Variants in RNGTT observed in about 807,000 individuals in gnomAD.
RNGTT encodes the protein RNA guanylyltransferase and 5'-phosphatase.
Under a neutral mutation model 79.3 loss-of-function variants are expected in RNGTT, and 33 were observed. That is an observed-to-expected ratio of 0.42 (90% confidence interval 0.32 to 0.56). The LOEUF (loss-of-function observed/expected upper bound fraction) is 0.56, where lower values mean the gene tolerates loss of function less well. Among genes scored for constraint, RNGTT ranks in the 20% least tolerant of loss-of-function variants. RNGTT has a pLI of 0.17. For synonymous variants in RNGTT, 222 were observed against 235.9 expected (o/e 0.94, Z 0.54); for missense variants, 497 against 739.1 (o/e 0.67, Z 3.80).
chr6:88,691,705 G>A (rs967690254), intron 13 of RNGTT, among the ~76,000 whole-genome samples: 16 of 152,042 alleles, frequency 1.1e-4, no homozygotes, highest in African/African-American at 3.6e-4. Flanking sequence ...TCATTAAGCT[G>A]TATATTTATG....
chr6:88,841,326 T>C (rs1781281572), intron 11 of RNGTT, among the ~76,000 whole-genome samples: 2 of 152,188 alleles, frequency 1.3e-5, no homozygotes, highest in East Asian at 1.9e-4. Flanking sequence ...TCTGTATTTG[T>C]TGAATGAAAA....
chr6:88,641,097 T>C (rs986930766), intron 14 of RNGTT, among the ~76,000 whole-genome samples: 1 of 152,060 alleles, frequency 6.6e-6, no homozygotes, highest in Non-Finnish European at 1.5e-5. Flanking sequence ...TCCCAGTACT[T>C]TGGGAGGCCA....
intron 14 of RNGTT, among the ~76,000 whole-genome samples, chr6:88,623,893 C>T (rs574388177): frequency 3.6e-4 from 54 of 151,920 alleles, no homozygotes; most frequent in Non-Finnish European, 7.2e-4. Flanking sequence ...TAAATACATA[C>T]ATAAACGGAT....
At chr6:88,951,073 G>A (rs976951820) in intron 1 of RNGTT, among the ~76,000 whole-genome samples, 2 of 152,008 alleles carry the variant, frequency 1.3e-5, no homozygotes, top group African/African-American at 2.4e-5. Context: ...TGGCTAGGCT[G>A]GTTTTGAACT....
Position 88,932,872 on chromosome 6 carries a change from A to C in RNGTT, c.175-3605T>G, listed in dbSNP as rs74360645. On this transcript the variant is annotated intron_variant, in intron 2 of 15. Transcript: ENST00000369485. ...TAAAAAAAAGTAATAGTAAATTCAT[A>C]CATCTTCCACCTCATTCTGAAGCAT... Among the ~76,000 whole-genome samples, 753 of 152,330 alleles carry C rather than the reference A, an allele frequency of 4.9e-3. 10 individuals are homozygous for C. Among genetic ancestry groups the C allele is most frequent in the East Asian group, 0.027 (141 of 5,188 alleles).
intron 11 of RNGTT, among the ~76,000 whole-genome samples, chr6:88,818,992 A>G (rs9342163): frequency 0.13 from 20,028 of 152,222 alleles, 1,468 homozygotes; most frequent in Middle Eastern, 0.24. Context: ...TTTCAATAAA[A>G]ATAATAATAC....
intron 1 of RNGTT, among the ~76,000 whole-genome samples, chr6:88,956,040 CAAAAAAAAAAAA>C (rs750272502): frequency 2.5e-4 from 6 of 23,662 alleles, no homozygotes; most frequent in Admixed American, 4.6e-4. Context: ...GACTCTGTCT[CAAAAAAAAAAAA>C]AAAAAAAAAA....
intron 7 of RNGTT, among the ~76,000 whole-genome samples, chr6:88,891,074 C>G (rs889159618): frequency 2.0e-5 from 3 of 152,034 alleles, no homozygotes; most frequent in African/African-American, 7.2e-5. Flanking sequence ...TAAGGCTTAA[C>G]ACAACATTAA....
At chr6:88,741,577 T>C (rs768384440) in intron 13 of RNGTT, among the ~76,000 whole-genome samples, 3 of 152,158 alleles carry the variant, frequency 2.0e-5, no homozygotes, top group Non-Finnish European at 2.9e-5. Flanking sequence ...ACCTCCTGAA[T>C]GTAAAATAAA....
At chr6:88,784,992 T>A (rs998851995) in intron 12 of RNGTT, among the ~76,000 whole-genome samples, 2 of 152,146 alleles carry the variant, frequency 1.3e-5, no homozygotes, top group Non-Finnish European at 2.9e-5. Context: ...ATGTATTTTT[T>A]AAATACATGT....
intron 14 of RNGTT, among the ~76,000 whole-genome samples, chr6:88,638,538 T>C (rs977573993): frequency 6.6e-6 from 1 of 152,156 alleles, no homozygotes; most frequent in African/African-American, 2.4e-5. Context: ...TGTGATAAGT[T>C]CAATGTTCTA....
intron 13 of RNGTT, among the ~76,000 whole-genome samples, chr6:88,713,667 T>C (rs1776396877): frequency 6.6e-6 from 1 of 152,226 alleles, no homozygotes; most frequent in Non-Finnish European, 1.5e-5. Context: ...ACATTTTTCT[T>C]TACATTGTAA....
At chr6:88,682,964 A>C (rs906134457) in intron 13 of RNGTT, among the ~76,000 whole-genome samples, 2 of 152,168 alleles carry the variant, frequency 1.3e-5, no homozygotes, top group African/African-American at 2.4e-5. Flanking sequence ...ATATATCAAA[A>C]CTTGTAGGTT....
intron 13 of RNGTT, among the ~76,000 whole-genome samples, chr6:88,689,402 T>C (rs1262425446): frequency 1.3e-5 from 2 of 152,140 alleles, no homozygotes; most frequent in African/African-American, 2.4e-5. Flanking sequence ...GAGACCAGCC[T>C]GACCGATGTG....
Position 88,622,284 on chromosome 6 carries a change from G to C in RNGTT, c.1507-7889C>G, listed in dbSNP as rs1772467144. On this transcript the variant is annotated intron_variant, in intron 14 of 15. Coordinates refer to ENST00000369485, the MANE Select transcript of RNGTT (RefSeq NM_003800.5). Reference sequence around the variant, plus strand: ...AAATGAGTGTTAGCTGATATACAGAGCTAACCCAAAAGATAGTTTTGATGG... The same window carrying C: ...AAATGAGTGTTAGCTGATATACAGACCTAACCCAAAAGATAGTTTTGATGG... 2.6e-5 allele frequency among the ~76,000 whole-genome samples: 4 copies of C among 152,222 alleles called. No individual in the cohort carries two copies. In the South Asian group the frequency reaches 8.3e-4, roughly 32 times the overall value.
chr6:88,712,083 T>C (rs1312944453), intron 13 of RNGTT, among the ~76,000 whole-genome samples: 2 of 152,110 alleles, frequency 1.3e-5, no homozygotes, highest in Non-Finnish European at 2.9e-5. Flanking sequence ...GGACCAGATA[T>C]CAGAAAGGGG....
intron 11 of RNGTT, among the ~76,000 whole-genome samples, chr6:88,812,675 G>T (rs984796058): frequency 6.6e-6 from 1 of 152,152 alleles, no homozygotes; most frequent in Non-Finnish European, 1.5e-5. Flanking sequence ...AGACGGACGC[G>T]TGAGACCAAC....
chr6:88,814,544 A>C (rs1780254055), intron 11 of RNGTT, among the ~76,000 whole-genome samples: 1 of 152,206 alleles, frequency 6.6e-6, no homozygotes, highest in Non-Finnish European at 1.5e-5. Context: ...ATATACTTTG[A>C]TATCATTAAA....
At chr6:88,770,537 C>T (rs1451210730) in intron 12 of RNGTT, among the ~76,000 whole-genome samples, 1 of 152,148 alleles carries the variant, frequency 6.6e-6, no homozygotes, top group Non-Finnish European at 1.5e-5. Context: ...AAATTGTTTA[C>T]ACATTTACAA....
Sources: allele counts gnomAD v4.1 joint callset (sites outside exome capture counted in the v4.1 genomes callset), GRCh38; gene constraint gnomAD v4.1.1; transcripts MANE v1.5; gene names NCBI Gene and HGNC (gene_info 2026-07-23, HGNC 2026-07-21).